The following WAC variants were observed in gnomAD, a reference collection of about 807,000 sequenced individuals.
WAC encodes the protein WW domain-containing adapter protein with coiled-coil.
Under a neutral mutation model 79.6 loss-of-function variants are expected in WAC, and 11 were observed. That is an observed-to-expected ratio of 0.14 (90% CI 0.09 to 0.23). The LOEUF is 0.23. WAC is among the 10% of genes least tolerant of loss of function. The pLI, the probability that WAC is intolerant of heterozygous loss-of-function variation, is 1.00. For missense variants in WAC, 728 were observed against 773.5 expected, an observed-to-expected ratio of 0.94 and a Z score of 0.70; for synonymous variants, 304 against 276.9, an observed-to-expected ratio of 1.10 and a Z score of -0.97.
intron 10 of WAC, 122 bp from the exon 11 acceptor site, chr10:28,614,445 T>G: frequency 4.9e-5 from 31 of 636,134 alleles, no homozygotes; most frequent in Non-Finnish European, 5.3e-5. Context: ...CACAAAGAAA[T>G]GAGATCTAAG....
chr10:28,616,841 G>A (rs1841490113), intron 12 of WAC, among the ~76,000 whole-genome samples: 4 of 152,334 alleles, frequency 2.6e-5, no homozygotes, highest in Middle Eastern at 3.4e-3. Flanking sequence ...ACTTTGGGAG[G>A]CCAAGGCAGG....
intron 6 of WAC, among the ~76,000 whole-genome samples, chr10:28,593,349 C>T (rs1840193716): frequency 6.6e-6 from 1 of 151,944 alleles, no homozygotes; most frequent in African/African-American, 2.4e-5. Flanking sequence ...AATAAAAGAA[C>T]TTTAGGGGAT....
intron 6 of WAC, among the ~76,000 whole-genome samples, chr10:28,594,328 CTA>C (rs1439780316): frequency 6.6e-6 from 1 of 152,090 alleles, no homozygotes; most frequent in African/African-American, 2.4e-5. Context: ...ATTATTCCTG[CTA>C]TGTCTGTCTC....
chr10:28,596,002 C>T lies in WAC; in HGVS notation c.880C>T (p.Pro294Ser). Residue 294 changes from proline to serine, a missense_variant, in exon 7 of 14, where the codon CCC becomes TCC. By Grantham distance (74) the Pro-to-Ser change is moderately conservative. This residue lies in a region of WAC where 648 missense variants were observed against 661.5 expected (regional missense o/e 0.98). Coordinates refer to ENST00000354911, the MANE Select transcript of WAC (RefSeq NM_016628.5). Reference protein sequence around the residue: ...GASTLSKLPTPTSSVPAQKTE... With the variant: ...GASTLSKLPTSTSSVPAQKTE... ...ATCTACTTTATCAAAACTGCCTACACCCACATCTTCTGTCCCTGCACAGAA... is the reference window on the plus strand; with the variant it reads ...ATCTACTTTATCAAAACTGCCTACATCCACATCTTCTGTCCCTGCACAGAA... 6.2e-7 allele frequency: 1 copy of T among 1,614,118 alleles called. No individual in the cohort carries two copies. The highest frequency in any genetic ancestry group is 8.5e-7 in the Non-Finnish European group (1 of 1,180,004).
intron 3 of WAC, among the ~76,000 whole-genome samples, chr10:28,551,635 T>C (rs1430948986): frequency 6.6e-6 from 1 of 152,180 alleles, no homozygotes; most frequent in East Asian, 1.9e-4. Context: ...CACTGAATTG[T>C]TTTTAATGGT....
At chr10:28,533,812 C>A (rs148938334) in intron 1 of WAC, 186 bp from the exon 2 acceptor site, 8 of 989,528 alleles carry the variant, frequency 8.1e-6, no homozygotes, top group Admixed American at 2.8e-5. Flanking sequence ...GGCCCGGCTT[C>A]GCGGCATTTC....
chr10:28,568,869 G>A (rs2132535000), intron 3 of WAC, among the ~76,000 whole-genome samples: 1 of 152,254 alleles, frequency 6.6e-6, no homozygotes, highest in South Asian at 2.1e-4. Context: ...ACTGTGCCCG[G>A]CCTAAGTTCT....
At chr10:28,547,688 G>A (rs1837429488) in intron 3 of WAC, among the ~76,000 whole-genome samples, 1 of 151,360 alleles carries the variant, frequency 6.6e-6, no homozygotes, top group Admixed American at 6.6e-5. Context: ...TTTCCCTGAA[G>A]ATATTTCTAA....
intron 3 of WAC, among the ~76,000 whole-genome samples, chr10:28,580,504 G>C (rs1839478849): frequency 6.6e-6 from 1 of 152,114 alleles, no homozygotes; most frequent in African/African-American, 2.4e-5. Flanking sequence ...AGAACATACT[G>C]TTCAAGAATG....
intron 4 of WAC, among the ~76,000 whole-genome samples, chr10:28,584,277 G>C (rs991435515): frequency 1.3e-5 from 2 of 152,138 alleles, no homozygotes; most frequent in Admixed American, 6.6e-5. Context: ...CTAAAACTTG[G>C]GCAGTAAAAG....
At chr10:28,610,507 T>C (rs1683440031) in intron 8 of WAC, among the ~76,000 whole-genome samples, 192 bp from the exon 9 acceptor site, 2 of 151,590 alleles carry the variant, frequency 1.3e-5, no homozygotes, top group Non-Finnish European at 1.5e-5. Flanking sequence ...ACCCATTAAG[T>C]TTCTTTTTCT....
intron 3 of WAC, among the ~76,000 whole-genome samples, chr10:28,572,598 G>A (rs914162906): frequency 6.6e-6 from 1 of 151,898 alleles, no homozygotes; most frequent in Non-Finnish European, 1.5e-5. Flanking sequence ...ATCACTTGAG[G>A]TCAGAAGTTC....
At chr10:28,606,771 C>T (rs750253335) in intron 7 of WAC, among the ~76,000 whole-genome samples, 20 of 152,146 alleles carry the variant, frequency 1.3e-4, no homozygotes, top group Non-Finnish European at 2.1e-4. Context: ...TTACATATAT[C>T]TGAGTTTCAC....
At chr10:28,533,817 C>T in intron 1 of WAC, 181 bp from the exon 2 acceptor site, 1 of 999,104 alleles carries the variant, frequency 1.0e-6, no homozygotes, top group Non-Finnish European at 1.4e-6. Context: ...GGCTTCGCGG[C>T]ATTTCGCCCT....
chr10:28,616,171 A>G lies in WAC; in HGVS notation c.1557-2A>G. The G allele has an allele frequency of 6.3e-7, 1 of 1,581,134 alleles. No individual in the cohort carries two copies. The highest frequency in any genetic ancestry group is 8.6e-7 in the Non-Finnish European group (1 of 1,159,238). ...TACTACACATTCAATTCTGTTTTCT[A>G]GTAGCCAGAGAAGTCCATCACCTGG... On this transcript the variant is annotated splice_acceptor_variant, in intron 11 of 13. Transcript: ENST00000354911. LOFTEE classifies it high-confidence loss of function.
intron 3 of WAC, among the ~76,000 whole-genome samples, chr10:28,578,603 C>T (rs1839369668): frequency 6.6e-6 from 1 of 152,078 alleles, no homozygotes; most frequent in Admixed American, 6.6e-5. Context: ...TATCCTGGTT[C>T]CCTTTTGTAA....
chr10:28,615,377 G>C (rs1841427161), intron 11 of WAC: 1 of 152,126 alleles, frequency 6.6e-6, no homozygotes, highest in South Asian at 2.1e-4. Context: ...TCAAAATAAT[G>C]ACCTTGGGAA....
chr10:28,568,122 A>C (rs1210892635), intron 3 of WAC, among the ~76,000 whole-genome samples: 1 of 152,212 alleles, frequency 6.6e-6, no homozygotes, highest in East Asian at 1.9e-4. Context: ...ATTTGATTAC[A>C]TATTCTTTTT....
chr10:28,534,787 T>A (rs2132301438), intron 2 of WAC, among the ~76,000 whole-genome samples: 1 of 152,356 alleles, frequency 6.6e-6, no homozygotes, highest in Admixed American at 6.5e-5. Flanking sequence ...ACCTGATGGT[T>A]GTGTTATACA....
Sources: gnomAD v4.1 joint callset for allele counts (sites outside exome capture counted in the v4.1 genomes callset) on GRCh38, gnomAD v4.1.1 for gene constraint, gnomAD v4.1.1 regional missense constraint, MANE v1.5 for transcripts, NCBI Gene and HGNC (gene_info 2026-07-23, HGNC 2026-07-21) for gene names.